The following WDR6 variants were observed in gnomAD, a reference collection of about 807,000 sequenced individuals.
WDR6 encodes WD repeat domain 6, also known as tRNA (34-2'-O)-methyltransferase regulator WDR6.
Under a neutral mutation model 85.6 loss-of-function variants are expected in WDR6, and 58 were observed. The ratio of observed to expected loss-of-function variants is 0.68; its 90% CI spans 0.55 to 0.84. The LOEUF (loss-of-function observed/expected upper bound fraction) is 0.84, where lower values mean the gene tolerates loss of function less well. Ranked by LOEUF, WDR6 falls within the 40% of genes least tolerant of loss-of-function variation. The probability of loss-of-function intolerance (pLI) is 0.00; values close to 1 mark genes in which losing one functional copy is unlikely to be tolerated. For synonymous variants in WDR6, 569 were observed against 582.2 expected, an observed-to-expected ratio of 0.98 and a Z score of 0.33; for missense variants, 1,310 against 1,476.4, an observed-to-expected ratio of 0.89 and a Z score of 1.85.
At chr3:49,011,513 G>A (rs1412482965) in intron 1 of WDR6, 122 bp from the exon 2 acceptor site, 2 of 1,611,870 alleles carry the variant, frequency 1.2e-6, no homozygotes, top group South Asian at 1.1e-5. Context: ...CAAGCTGCAG[G>A]ATTGTGTGTC....
Position 49,014,475 on chromosome 3 carries a change from C to A in WDR6, c.2759C>A (p.Thr920Lys), listed in dbSNP as rs1275031356. 8 of 1,614,138 alleles carry A rather than the reference C, an allele frequency of 5.0e-6. No individual in the cohort carries two copies. Among genetic ancestry groups the A allele is most frequent in the Non-Finnish European group, 5.9e-6 (7 of 1,180,004 alleles). ...KRCVLKVHSFTHEAPNQRRRL... is the reference protein window; with the variant it reads ...KRCVLKVHSFKHEAPNQRRRL... Reference sequence around the variant, plus strand: ...TGTGTCCTCAAGGTCCACTCCTTTACACACGAGGCACCCAACCAGAGGCGG... The same window carrying A: ...TGTGTCCTCAAGGTCCACTCCTTTAAACACGAGGCACCCAACCAGAGGCGG... Residue 920 changes from threonine to lysine, a missense_variant, in exon 4 of 6, where the codon ACA (threonine) becomes AAA (lysine). By Grantham distance (78) the Thr-to-Lys change is moderately conservative. Transcript: ENST00000608424. The surrounding 1 kb of genome is among the most constrained non-coding windows in gnomAD (Gnocchi z 4.9).
At position 49,013,890 on chromosome 3, in the gene WDR6, G is replaced by C; in HGVS notation, c.2356G>C (p.Gly786Arg). The C allele has an allele frequency of 6.2e-7, 1 of 1,613,918 alleles. No homozygotes were observed. Residue 786 changes from glycine (G) to arginine (R), a missense_variant, in exon 2 of 6, where the codon GGC becomes CGC. Transcript: ENST00000608424. This position sits in a 1 kb window ranked among gnomAD's most constrained non-coding sequence, Gnocchi z 4.6. ...SVRAVAVWGI[G>R]TPGGPQDPQP... ...ACGTGCTGTGGCTGTGTGGGGCATT[G>C]GCACCCCAGGTGGCCCTCAGGATCC...
At position 49,014,962 on chromosome 3, in the gene WDR6, G is replaced by A; in HGVS notation, c.3040G>A (p.Val1014Met). 1 of 1,614,206 alleles carries A rather than the reference G, an allele frequency of 6.2e-7. No homozygotes were observed. The change falls in exon 6 of 6, where the codon GTG (valine) becomes ATG (methionine). Residue 1014 changes from valine to methionine, a missense_variant. Physicochemically the swap from Val to Met is conservative, Grantham distance 21 (BLOSUM62 1). Transcript: ENST00000608424. The surrounding 1 kb of genome is among the most constrained non-coding windows in gnomAD (Gnocchi z 4.9). ...ATCCCTCCATGTCTTCGTGCTTGCT[G>A]TGGAGATGCTACAGCTAGAAGAGGC... ...DGSLHVFVLA[V>M]EMLQLEEAVG...
Position 49,012,497 on chromosome 3 carries a change from C to T in WDR6, c.963C>T (p.Gly321=). Residue 321 remains glycine (G), a synonymous_variant, in exon 2 of 6, where the codon GGC becomes GGT. Transcript: ENST00000608424. This position sits in a 1 kb window ranked among gnomAD's most constrained non-coding sequence, Gnocchi z 4.4. ...TGATCACTGGGGGTGATGACTCAGG[C>T]ATTCGGCTGTGGCACTTGGTAGGGC... is the stretch of plus-strand genomic sequence containing the variant. ...AWVITGGDDS[G]IRLWHLVGRG... 1.2e-6 allele frequency: 2 copies of T among 1,614,078 alleles called. No homozygotes were observed. The highest frequency in any genetic ancestry group is 1.7e-6 in the Non-Finnish European group (2 of 1,180,022).
In WDR6 at chr3:49,015,318, A is replaced by G. The variant is rs2093048439; in HGVS notation, c.*30A>G. 1.3e-6 allele frequency: 2 copies of G among 1,597,258 alleles called. No homozygotes were observed. The highest frequency in any genetic ancestry group is 1.7e-6 in the Non-Finnish European group (2 of 1,175,264). On this transcript the variant is annotated 3_prime_UTR_variant, in exon 6 of 6. Transcript: ENST00000608424. ...TCCTGCGGTGGCTGGCGTGCTGGGCATGGGGCCTGCTCACAGACAGCATGG... is the reference window on the plus strand; with the variant it reads ...TCCTGCGGTGGCTGGCGTGCTGGGCGTGGGGCCTGCTCACAGACAGCATGG...
chr3:49,013,393 G>T lies in WDR6; in HGVS notation c.1859G>T (p.Arg620Leu), dbSNP rs780448380. Reference protein sequence around the residue: ...CRGMNWLAGLRIVPDGSMVIL... With the variant: ...CRGMNWLAGLLIVPDGSMVIL... The stretch of plus-strand genomic sequence containing the variant: ...GGCATGAACTGGCTAGCTGGGCTCC[G>T]TATAGTGCCCGATGGGAGCATGGTT... The change falls in exon 2 of 6, where the codon CGT (arginine) becomes CTT (leucine). Residue 620 changes from arginine (R) to leucine (L), a missense_variant. By Grantham distance (102) the Arg-to-Leu change is moderately radical. Coordinates refer to ENST00000608424, the MANE Select transcript of WDR6 (RefSeq NM_018031.6). The surrounding 1 kb of genome is among the most constrained non-coding windows in gnomAD (Gnocchi z 4.6). The T allele has an allele frequency of 1.1e-4, 171 of 1,614,046 alleles. No individual in the cohort carries two copies. The highest frequency in any genetic ancestry group is 1.4e-4 in the Non-Finnish European group (162 of 1,180,040).
chr3:49,008,098 G>C (rs926709353), intron 1 of WDR6: 1 of 152,376 alleles, frequency 6.6e-6, no homozygotes, highest in African/African-American at 2.4e-5. Flanking sequence ...GGGTGGCGTC[G>C]CGGAAAACGG....
Position 49,012,296 on chromosome 3 carries a change from C to T in WDR6, c.762C>T (p.Cys254=). Residue 254 remains cysteine (C), a synonymous_variant, in exon 2 of 6, where the codon TGC becomes TGT. Transcript: ENST00000608424. This position sits in a 1 kb window ranked among gnomAD's most constrained non-coding sequence, Gnocchi z 4.4. ...GTCGGGTGCAGAATATTGGGCACTG[C>T]TTTGGGCACAGCGCCCGTGTGTGGC... ...PGGRVQNIGH[C]FGHSARVWQV... The T allele has an allele frequency of 6.2e-7, 1 of 1,614,222 alleles. No homozygotes were observed. The highest frequency in any genetic ancestry group is 8.5e-7 in the Non-Finnish European group (1 of 1,180,042).
chr3:49,012,525 G>A lies in WDR6; in HGVS notation c.991G>A (p.Gly331Arg), dbSNP rs2093022358. 1.9e-6 allele frequency: 3 copies of A among 1,614,056 alleles called. No individual in the cohort carries two copies. The highest frequency in any genetic ancestry group is 1.3e-5 in the African/African-American group (1 of 75,026). Reference protein sequence around the residue: ...GIRLWHLVGRGYRGLGVSALC... With the variant: ...GIRLWHLVGRRYRGLGVSALC... ...TCGGCTGTGGCACTTGGTAGGGCGTGGGTACCGGGGATTGGGGGTCTCGGC... is the reference window on the plus strand; with the variant it reads ...TCGGCTGTGGCACTTGGTAGGGCGTAGGTACCGGGGATTGGGGGTCTCGGC... The change falls in exon 2 of 6, where the codon GGG (glycine) becomes AGG (arginine). Residue 331 changes from glycine to arginine, a missense_variant. Gly to Arg is a moderately radical substitution (Grantham distance 125). Transcript: ENST00000608424. The surrounding 1 kb of genome is among the most constrained non-coding windows in gnomAD (Gnocchi z 4.4).
In WDR6 at chr3:49,012,552, C is replaced by T. The variant is rs1329252251; in HGVS notation, c.1018C>T (p.Leu340Phe). Reference protein sequence around the residue: ...RGYRGLGVSALCFKSRSRPGT... With the variant: ...RGYRGLGVSAFCFKSRSRPGT... Reference sequence around the variant, plus strand: ...GTACCGGGGATTGGGGGTCTCGGCTCTCTGCTTCAAGTCCCGTAGTAGGCC... The same window carrying T: ...GTACCGGGGATTGGGGGTCTCGGCTTTCTGCTTCAAGTCCCGTAGTAGGCC... Residue 340 changes from leucine (L) to phenylalanine (F), a missense_variant, in exon 2 of 6, where the codon CTC (leucine) becomes TTC (phenylalanine). Coordinates refer to ENST00000608424, the MANE Select transcript of WDR6 (RefSeq NM_018031.6). The surrounding 1 kb of genome is among the most constrained non-coding windows in gnomAD (Gnocchi z 4.4). 1 of 1,614,036 alleles carries T rather than the reference C, an allele frequency of 6.2e-7. No homozygotes were observed. The highest frequency in any genetic ancestry group is 8.5e-7 in the Non-Finnish European group (1 of 1,180,020).
At position 49,015,519 on chromosome 3, in the gene WDR6, C is replaced by T. The variant is rs1041189385; in HGVS notation, c.*231C>T. 79 of 1,597,398 alleles carry T rather than the reference C, an allele frequency of 4.9e-5. No individual in the cohort carries two copies. The highest frequency in any genetic ancestry group is 1.7e-4 in the Middle Eastern group (1 of 5,994). ...ACAAACAGTACCAATTTATTTTGGCCGTGGGTTTTTGCTTTTTTTCCAGTT... is the reference window on the plus strand; with the variant it reads ...ACAAACAGTACCAATTTATTTTGGCTGTGGGTTTTTGCTTTTTTTCCAGTT... On this transcript the variant is annotated 3_prime_UTR_variant, in exon 6 of 6. Coordinates refer to ENST00000608424, the MANE Select transcript of WDR6 (RefSeq NM_018031.6).
intron 1 of WDR6, among the ~76,000 whole-genome samples, chr3:49,009,474 A>G (rs893508185): frequency 5.9e-5 from 9 of 151,760 alleles, no homozygotes; most frequent in East Asian, 1.9e-4. Flanking sequence ...GGTTTTCTCA[A>G]TCTTGCCTCG....
Position 49,012,513 on chromosome 3 carries a change from T to G in WDR6, c.979T>G (p.Leu327Val). 1 of 1,614,090 alleles carries G rather than the reference T, an allele frequency of 6.2e-7. No individual in the cohort carries two copies. The highest frequency in any genetic ancestry group is 8.5e-7 in the Non-Finnish European group (1 of 1,180,020). The change falls in exon 2 of 6, where the codon TTG (leucine) becomes GTG (valine). Residue 327 changes from leucine to valine, a missense_variant. Coordinates refer to ENST00000608424, the MANE Select transcript of WDR6 (RefSeq NM_018031.6). This position sits in a 1 kb window ranked among gnomAD's most constrained non-coding sequence, Gnocchi z 4.4. Reference sequence around the variant, plus strand: ...TGACTCAGGCATTCGGCTGTGGCACTTGGTAGGGCGTGGGTACCGGGGATT... The same window carrying G: ...TGACTCAGGCATTCGGCTGTGGCACGTGGTAGGGCGTGGGTACCGGGGATT... ...GDDSGIRLWHLVGRGYRGLGV... is the reference protein window; with the variant it reads ...GDDSGIRLWHVVGRGYRGLGV...
chr3:49,011,565 C>A (rs756413522), intron 1 of WDR6, 70 bp from the exon 2 acceptor site: 2 of 1,611,998 alleles, frequency 1.2e-6, no homozygotes, highest in Non-Finnish European at 1.7e-6. Flanking sequence ...TTTCCCTGAT[C>A]CCCATCTCTT....
At position 49,011,705 on chromosome 3, in the gene WDR6, G is replaced by A. The variant is rs756505441; in HGVS notation, c.171G>A (p.Gln57=). The change falls in exon 2 of 6, where the codon CAG becomes CAA. Residue 57 remains glutamine, a synonymous_variant. Coordinates refer to ENST00000608424, the MANE Select transcript of WDR6 (RefSeq NM_018031.6). Reference sequence around the variant, plus strand: ...ATCTGCGGATGATAAAGCGAGTGCAGAACCTGCTTGGCCACTATCTTATCC... The same window carrying A: ...ATCTGCGGATGATAAAGCGAGTGCAAAACCTGCTTGGCCACTATCTTATCC... The part of the protein sequence containing the change: ...GGHLRMIKRV[Q]NLLGHYLIHG... 6.2e-7 allele frequency: 1 copy of A among 1,614,170 alleles called. No individual in the cohort carries two copies. Among genetic ancestry groups the A allele is most frequent in the Non-Finnish European group, 8.5e-7 (1 of 1,180,030 alleles).
rs780249713 is a variant in WDR6 at position 49,014,152 on chromosome 3, C to T, written c.2582+36C>T. On this transcript the variant is annotated intron_variant, in intron 2 of 5. Coordinates refer to ENST00000608424, the MANE Select transcript of WDR6 (RefSeq NM_018031.6). This position sits in a 1 kb window ranked among gnomAD's most constrained non-coding sequence, Gnocchi z 4.9. ...CTCCTGGGCAGGGTGTGGTATGGGT[C>T]ATGCAGATGCTCCCAGGCTTGCAGG... 1 of 1,614,080 alleles carries T rather than the reference C, an allele frequency of 6.2e-7. No individual in the cohort carries two copies. Among genetic ancestry groups the T allele is most frequent in the Middle Eastern group, 1.6e-4 (1 of 6,062 alleles).
In WDR6 at chr3:49,014,897, G is replaced by A. The variant is rs376123292; in HGVS notation, c.2975G>A (p.Arg992His). The A allele has an allele frequency of 2.1e-5, 34 of 1,613,746 alleles. No homozygotes were observed. Among genetic ancestry groups the A allele is most frequent in the African/African-American group, 9.3e-5 (7 of 74,880 alleles). The change falls in exon 6 of 6, where the codon CGT becomes CAT. Residue 992 changes from arginine (R) to histidine (H), a missense_variant. Transcript: ENST00000608424. This position sits in a 1 kb window ranked among gnomAD's most constrained non-coding sequence, Gnocchi z 4.9. ...GINSLHTLPTREGHHLVASGS... is the reference protein window; with the variant it reads ...GINSLHTLPTHEGHHLVASGS... ...AACAGCCTGCACACCTTGCCCACCC[G>A]TGAGGGCCACCATCTCGTGGCCAGT...
chr3:49,015,765 CCT>C lies in WDR6; in HGVS notation c.*482_*483del. The C allele has an allele frequency of 6.2e-7, 1 of 1,614,116 alleles. No individual in the cohort carries two copies. On this transcript the variant is annotated 3_prime_UTR_variant, in exon 6 of 6. Transcript: ENST00000608424. ...CTGCTTCCTTTGCCTTTACCCTATACCTCTCTGCACGTCCCACCCCATTTTGC... is the reference window on the plus strand; with the variant it reads ...CTGCTTCCTTTGCCTTTACCCTATACCTCTGCACGTCCCACCCCATTTTGC...
At position 49,011,820 on chromosome 3, in the gene WDR6, A is replaced by G. The variant is rs1437598962; in HGVS notation, c.286A>G (p.Lys96Glu). 3.1e-6 allele frequency: 5 copies of G among 1,614,086 alleles called. No homozygotes were observed. The highest frequency in any genetic ancestry group is 1.3e-5 in the African/African-American group (1 of 74,916). ...TGGAAGCAAGGGACTCCGAGTTGTG[A>G]AAATTAGCTGGGGACAGGGCCACTT... Reference protein sequence around the residue: ...VFGSKGLRVVKISWGQGHFWE... With the variant: ...VFGSKGLRVVEISWGQGHFWE... Residue 96 changes from lysine (K) to glutamate (E), a missense_variant, in exon 2 of 6, where the codon AAA becomes GAA. Coordinates refer to ENST00000608424, the MANE Select transcript of WDR6 (RefSeq NM_018031.6).
Sources: allele counts gnomAD v4.1 joint callset (sites outside exome capture counted in the v4.1 genomes callset), GRCh38; gene constraint gnomAD v4.1.1; non-coding constraint Gnocchi (gnomAD v3.1); transcripts MANE v1.5; gene names NCBI Gene and HGNC (gene_info 2026-07-23, HGNC 2026-07-21).